DENND1A: variants seen among roughly 807,000 people sequenced by gnomAD.
The protein encoded by DENND1A is DENN domain containing 1A, also known as DENN domain-containing protein 1A.
In DENND1A, 51 loss-of-function variants were observed where a neutral mutation model predicts 113.7. That is an observed-to-expected ratio of 0.45 (90% CI 0.36 to 0.57). The LOEUF (loss-of-function observed/expected upper bound fraction) is 0.57, where lower values mean the gene tolerates loss of function less well. Among genes scored for constraint, DENND1A ranks in the 20% least tolerant of loss-of-function variants. The probability of loss-of-function intolerance (pLI) is 0.00; values close to 1 mark genes in which losing one functional copy is unlikely to be tolerated. For synonymous variants in DENND1A, 565 were observed against 570.8 expected (o/e 0.99, Z 0.14); for missense variants, 1,258 against 1,395.9 (o/e 0.90, Z 1.57).
intron 3 of DENND1A, among the ~76,000 whole-genome samples, chr9:123,789,127 G>A (rs1054353196): frequency 6.6e-6 from 1 of 150,838 alleles, no homozygotes; most frequent in African/African-American, 2.4e-5. Flanking sequence ...AACAAAGCCT[G>A]TATTTCCAGG....
At chr9:123,628,097 C>T (rs890720702) in intron 10 of DENND1A, among the ~76,000 whole-genome samples, 2 of 151,976 alleles carry the variant, frequency 1.3e-5, no homozygotes, top group African/African-American at 2.4e-5. Context: ...CTCTTAGCCC[C>T]GTCCTATCCT....
At chr9:123,853,748 T>A (rs1843735354) in intron 2 of DENND1A, among the ~76,000 whole-genome samples, 1 of 152,180 alleles carries the variant, frequency 6.6e-6, no homozygotes. Flanking sequence ...AGAGATTTGT[T>A]TTTTGACACA....
At chr9:123,612,345 T>C (rs1349515362) in intron 10 of DENND1A, among the ~76,000 whole-genome samples, 3 of 152,232 alleles carry the variant, frequency 2.0e-5, no homozygotes, top group Admixed American at 1.3e-4. Context: ...TCAATAATTA[T>C]TGTAGCTACT....
chr9:123,670,688 ACAGTC>A (rs2063722751), intron 7 of DENND1A, among the ~76,000 whole-genome samples: 4 of 152,254 alleles, frequency 2.6e-5, no homozygotes, highest in Admixed American at 2.6e-4. Flanking sequence ...CAAGGGACAC[ACAGTC>A]CAGTGAGGGG....
chr9:123,696,960 T>C (rs773099243), intron 5 of DENND1A, among the ~76,000 whole-genome samples: 4 of 152,178 alleles, frequency 2.6e-5, no homozygotes, highest in Non-Finnish European at 4.4e-5. Context: ...CTTTGTAAGG[T>C]GCTACGTATC....
At chr9:123,744,793 G>A (rs974802574) in intron 5 of DENND1A, among the ~76,000 whole-genome samples, 70 of 32,536 alleles carry the variant, frequency 2.2e-3, no homozygotes, top group African/African-American at 0.011. Flanking sequence ...TTTTTTTTTT[G>A]ACACAGAGTC....
At chr9:123,522,754 C>T (rs539761057) in intron 13 of DENND1A, among the ~76,000 whole-genome samples, 2 of 152,260 alleles carry the variant, frequency 1.3e-5, no homozygotes, top group African/African-American at 4.8e-5. Flanking sequence ...GAAAATATCA[C>T]TTAATTCCTT....
chr9:123,545,856 A>C (rs1431079895), intron 13 of DENND1A, among the ~76,000 whole-genome samples: 1 of 152,154 alleles, frequency 6.6e-6, no homozygotes, highest in Non-Finnish European at 1.5e-5. Flanking sequence ...GTCAAATGTT[A>C]TCATTGCTTG....
chr9:123,888,894 T>C (rs1198095518), intron 1 of DENND1A, among the ~76,000 whole-genome samples: 7 of 151,860 alleles, frequency 4.6e-5, no homozygotes, highest in African/African-American at 1.7e-4. Context: ...ACCTTGTTTG[T>C]AGGAGAAGCA....
chr9:123,849,451 C>T (rs985229223), intron 2 of DENND1A, among the ~76,000 whole-genome samples: 3 of 152,108 alleles, frequency 2.0e-5, no homozygotes, highest in African/African-American at 7.2e-5. Flanking sequence ...ATGACACAAA[C>T]CACAATTACT....
At chr9:123,568,706 G>T (rs1352398850) in intron 12 of DENND1A, among the ~76,000 whole-genome samples, 1 of 152,134 alleles carries the variant, frequency 6.6e-6, no homozygotes, top group Non-Finnish European at 1.5e-5. Context: ...TAGGGATGTG[G>T]CCAGGCCGGA....
At chr9:123,490,180 C>T (rs1057492312) in intron 13 of DENND1A, among the ~76,000 whole-genome samples, 18 of 152,154 alleles carry the variant, frequency 1.2e-4, no homozygotes, top group African/African-American at 4.3e-4. Flanking sequence ...ATACATGGTT[C>T]AGCAATGGCC....
At chr9:123,426,968 C>T (rs1311468296) in intron 19 of DENND1A, among the ~76,000 whole-genome samples, 1 of 152,188 alleles carries the variant, frequency 6.6e-6, no homozygotes, top group African/African-American at 2.4e-5. Flanking sequence ...AAGCTCTCTG[C>T]CTAGTCCTTG....
chr9:123,446,822 TAAAAA>T (rs1200635391), intron 18 of DENND1A, among the ~76,000 whole-genome samples: 1 of 150,214 alleles, frequency 6.7e-6, no homozygotes, highest in African/African-American at 2.5e-5. Flanking sequence ...AAAAACAAAA[TAAAAA>T]AAAGAAAAGA....
At chr9:123,645,477 C>CTT (rs2062268085) in intron 9 of DENND1A, among the ~76,000 whole-genome samples, 1 of 152,098 alleles carries the variant, frequency 6.6e-6, no homozygotes. Flanking sequence ...AAATAAAAGG[C>CTT]AACAATTGGG....
chr9:123,401,902 C>A (rs1003484193), intron 21 of DENND1A: 1 of 1,613,990 alleles, frequency 6.2e-7, no homozygotes, highest in African/African-American at 1.3e-5. Context: ...GCTGGTGTTG[C>A]AATGGTGTTT....
At chr9:123,585,913 C>G (rs1564768010) in intron 11 of DENND1A, among the ~76,000 whole-genome samples, 2 of 152,210 alleles carry the variant, frequency 1.3e-5, no homozygotes, top group African/African-American at 2.4e-5. Context: ...GCTGGCCACA[C>G]AGTAGGATGT....
intron 1 of DENND1A, among the ~76,000 whole-genome samples, chr9:123,884,523 C>G (rs1018871195): frequency 6.6e-6 from 1 of 151,894 alleles, no homozygotes; most frequent in Admixed American, 6.6e-5. Flanking sequence ...TTGCCTCCCA[C>G]CCCCCATCTT....
At chr9:123,393,029 G>A (rs986599383) in intron 21 of DENND1A, among the ~76,000 whole-genome samples, 11 of 152,188 alleles carry the variant, frequency 7.2e-5, no homozygotes, top group African/African-American at 2.7e-4. Flanking sequence ...TTCCATCATA[G>A]ATATACCACA....
Sources: allele counts gnomAD v4.1 joint callset (sites outside exome capture counted in the v4.1 genomes callset), GRCh38; gene constraint gnomAD v4.1.1; transcripts MANE v1.5; gene names NCBI Gene and HGNC (gene_info 2026-07-23, HGNC 2026-07-21).